The following GOT2 variants were observed in gnomAD, a reference collection of about 807,000 sequenced individuals.
GOT2 encodes the protein aspartate aminotransferase, mitochondrial.
In GOT2, 17 loss-of-function variants were observed where a neutral mutation model predicts 50.0. That is an observed-to-expected ratio of 0.34 (90% CI 0.23 to 0.51). The LOEUF is 0.51. Ranked by LOEUF, GOT2 falls within the 20% of genes least tolerant of loss-of-function variation. The pLI, the probability that GOT2 is intolerant of heterozygous loss-of-function variation, is 0.97. For missense variants in GOT2, 430 were observed against 559.6 expected, an observed-to-expected ratio of 0.77 and a Z score of 2.34; for synonymous variants, 172 against 204.9, an observed-to-expected ratio of 0.84 and a Z score of 1.37.
At chr16:58,720,579 T>TTA (rs1491316416) in intron 3 of GOT2, among the ~76,000 whole-genome samples, 1 of 101,978 alleles carries the variant, frequency 9.8e-6, no homozygotes, top group African/African-American at 7.5e-5. Flanking sequence ...GGCACAACAA[T>TTA]TTTTTTTTTT....
chr16:58,720,356 T>C (rs567154786), intron 3 of GOT2, among the ~76,000 whole-genome samples: 4 of 152,276 alleles, frequency 2.6e-5, no homozygotes, highest in East Asian at 3.9e-4. Flanking sequence ...GAAATTACCA[T>C]AGGTTTAAGA....
chr16:58,720,030 T>C (rs1257079612), intron 3 of GOT2, among the ~76,000 whole-genome samples: 2 of 151,970 alleles, frequency 1.3e-5, no homozygotes, highest in East Asian at 3.9e-4. Context: ...GGAAAAACCC[T>C]GTCTCAACTA....
At chr16:58,709,318 G>T in intron 9 of GOT2, 99 bp downstream of exon 9, 3 of 1,047,006 alleles carry the variant, frequency 2.9e-6, no homozygotes, top group East Asian at 2.6e-5. Context: ...CAAAAAACCC[G>T]AAAACATTAA....
At chr16:58,726,257 C>G (rs980141623) in intron 1 of GOT2, among the ~76,000 whole-genome samples, 4 of 152,148 alleles carry the variant, frequency 2.6e-5, no homozygotes, top group African/African-American at 9.7e-5. Flanking sequence ...GCGATCTCGG[C>G]TCACTGCAAC....
At chr16:58,728,549 A>G (rs560569675) in intron 1 of GOT2, among the ~76,000 whole-genome samples, 252 of 152,352 alleles carry the variant, frequency 1.7e-3, no homozygotes, top group African/African-American at 5.6e-3. Context: ...ATGCAGCCGT[A>G]AGACCTTGTG....
intron 1 of GOT2, among the ~76,000 whole-genome samples, chr16:58,727,896 CAT>C (rs1402707536): frequency 3.3e-5 from 5 of 152,182 alleles, no homozygotes; most frequent in East Asian, 3.8e-4. Flanking sequence ...GAATCAGCCA[CAT>C]GTTTCAGTAT....
chr16:58,715,600 T>G (rs547276423), intron 8 of GOT2, among the ~76,000 whole-genome samples: 1 of 152,296 alleles, frequency 6.6e-6, no homozygotes, highest in Non-Finnish European at 1.5e-5. Context: ...TTGCCCAGGC[T>G]GGAGTGCAAT....
chr16:58,733,900 CTGCAGGGCCCAG>C, intron 1 of GOT2: 1 of 394,504 alleles, frequency 2.5e-6, no homozygotes, highest in Non-Finnish European at 4.5e-6. Context: ...GCACGCCTTC[CTGCAGGGCCCAG>C]TGCGGGGACC....
intron 8 of GOT2, among the ~76,000 whole-genome samples, chr16:58,710,396 C>CTTTTTTT (rs774270272): frequency 2.2e-5 from 3 of 138,740 alleles, no homozygotes; most frequent in African/African-American, 5.2e-5. Flanking sequence ...ATTTTCTTTT[C>CTTTTTTT]TTTTTTTTTT....
At chr16:58,734,043 G>C in intron 1 of GOT2, 97 bp downstream of exon 1, 1 of 545,018 alleles carries the variant, frequency 1.8e-6, no homozygotes, top group East Asian at 3.4e-5. Context: ...GTGACAGTGT[G>C]TATTTGGGGG....
At chr16:58,730,817 G>T (rs181015852) in intron 1 of GOT2, among the ~76,000 whole-genome samples, 2 of 152,264 alleles carry the variant, frequency 1.3e-5, no homozygotes, top group Non-Finnish European at 2.9e-5. Flanking sequence ...ATGAAAATAG[G>T]AGTGTTCTAG....
chr16:58,723,664 G>T, intron 2 of GOT2, 82 bp downstream of exon 2: 2 of 1,141,992 alleles, frequency 1.8e-6, no homozygotes, highest in Non-Finnish European at 1.3e-6. Context: ...CCTGATTCCC[G>T]GTCCAGCACT....
At chr16:58,713,574 G>C (rs921970377) in intron 8 of GOT2, among the ~76,000 whole-genome samples, 3 of 152,216 alleles carry the variant, frequency 2.0e-5, no homozygotes, top group African/African-American at 7.2e-5. Flanking sequence ...TCATGGGACA[G>C]AGAGACAGAA....
chr16:58,722,296 C>T lies in GOT2; in HGVS notation c.247-18G>A. ...GCCTCTGCCTAGACAAGAGAAAATA[C>T]ATCCATTGAATTTCTTCTCCTTACT... is the stretch of plus-strand genomic sequence containing the variant. On this transcript the variant is annotated intron_variant, in intron 2 of 9. Transcript: ENST00000245206. The T allele has an allele frequency of 1.2e-6, 2 of 1,610,824 alleles. No homozygotes were observed. The highest frequency in any genetic ancestry group is 1.7e-5 in the Admixed American group (1 of 59,968).
intron 1 of GOT2, among the ~76,000 whole-genome samples, chr16:58,727,060 A>T: frequency 6.6e-6 from 1 of 152,088 alleles, no homozygotes; most frequent in East Asian, 2.0e-4. Context: ...AGGCTGAGGC[A>T]TGAGAATCGC....
intron 1 of GOT2, among the ~76,000 whole-genome samples, chr16:58,733,548 C>T (rs1474782079): frequency 6.6e-6 from 1 of 152,176 alleles, no homozygotes; most frequent in Non-Finnish European, 1.5e-5. Flanking sequence ...GCCAAACGGG[C>T]CCCGGGGTCA....
intron 8 of GOT2, among the ~76,000 whole-genome samples, chr16:58,714,570 T>G (rs1421751270): frequency 2.0e-5 from 3 of 149,040 alleles, no homozygotes; most frequent in Non-Finnish European, 4.4e-5. Context: ...AAAAAAAAAT[T>G]AGCTGGGTCT....
chr16:58,716,536 A>G lies in GOT2; in HGVS notation c.853+127T>C, dbSNP rs1327871454. ...CGATACTGGTCTTTCATCTTAGGGT[A>G]GGGAGGGACATGGACATGGATGGAC... On this transcript the variant is annotated intron_variant, in intron 7 of 9. Coordinates refer to ENST00000245206, the MANE Select transcript of GOT2 (RefSeq NM_002080.4). The G allele has an allele frequency of 4.0e-6, 3 of 747,030 alleles. No individual in the cohort carries two copies. The African/African-American group carries it at 5.4e-5, about 14-fold the overall frequency. 46.3% of individuals were successfully genotyped at this position (747,030 alleles called of 1,614,324 possible). A position where few individuals can be genotyped will look rare whatever the true frequency, so the allele number is the denominator to read the frequency against.
intron 6 of GOT2, 128 bp from the exon 7 acceptor site, chr16:58,716,941 G>A: frequency 1.3e-6 from 1 of 751,728 alleles, no homozygotes. Flanking sequence ...CTTTTCTGGG[G>A]CTAACGTAAT....
Sources: allele counts gnomAD v4.1 joint callset (sites outside exome capture counted in the v4.1 genomes callset), GRCh38; gene constraint gnomAD v4.1.1; transcripts MANE v1.5; gene names NCBI Gene and HGNC (gene_info 2026-07-23, HGNC 2026-07-21).